LAMA5: variants seen among roughly 807,000 people sequenced by gnomAD.
LAMA5 encodes the protein laminin subunit alpha 5.
LAMA5 carries 260 observed loss-of-function variants against 433.4 expected under a neutral mutation model. The observed-to-expected ratio is 0.60, with a 90% CI of 0.54 to 0.66. The LOEUF (loss-of-function observed/expected upper bound fraction) is 0.66. LAMA5 is among the 30% of genes least tolerant of loss of function. The pLI is 0.00. For missense variants in LAMA5, 5,378 were observed against 5,258.5 expected (o/e 1.02, Z -0.70); for synonymous variants, 2,620 against 2,226.6 (o/e 1.18, Z -4.97).
In LAMA5 at chr20:62,353,197, G is replaced by A. The variant is rs1027948981; in HGVS notation, c.505C>T (p.Leu169Phe). Reference protein sequence around the residue: ...IKFANSPRPDLWVLERSMDFG... With the variant: ...IKFANSPRPDFWVLERSMDFG... Reference sequence around the variant, plus strand: ...TCCATGGACCGCTCCAGCACCCAGAGGTCCGGCCGGGGTGAGTTGGCAAAC... The same window carrying A: ...TCCATGGACCGCTCCAGCACCCAGAAGTCCGGCCGGGGTGAGTTGGCAAAC... Residue 169 changes from leucine (L) to phenylalanine (F), a missense_variant, in exon 3 of 80, where the codon CTC (leucine) becomes TTC (phenylalanine). Leu to Phe is a conservative substitution (Grantham distance 22, BLOSUM62 0). Coordinates refer to ENST00000252999, the MANE Select transcript of LAMA5 (RefSeq NM_005560.6). 9.5e-6 allele frequency: 15 copies of A among 1,587,174 alleles called. No homozygotes were observed. The African/African-American group carries it at 1.5e-4, about 16-fold the overall frequency.
intron 26 of LAMA5, 81 bp from the exon 27 acceptor site, chr20:62,332,798 T>A (rs1011474751): frequency 1.6e-5 from 24 of 1,514,764 alleles, no homozygotes; most frequent in Middle Eastern, 1.9e-4. Flanking sequence ...AGCGCCTCCC[T>A]GACCCCAGGG....
chr20:62,355,661 G>A (rs904655834), intron 2 of LAMA5, among the ~76,000 whole-genome samples: 1 of 152,080 alleles, frequency 6.6e-6, no homozygotes, highest in East Asian at 1.9e-4. Context: ...TGGGTGGGGG[G>A]CAGGGAGACA....
rs748373006 is a variant in LAMA5, at chr20:62,329,173, G to A, written c.4200C>T (p.Phe1400=). The A allele has an allele frequency of 8.1e-6, 13 of 1,612,906 alleles. No homozygotes were observed. The East Asian group carries it at 1.8e-4, about 22-fold the overall frequency. ...AGCCCTGGGCTGCGCAGTGGCTGAT[G>A]AAGTCATAGGATTTATCCAGGGGCT... The part of the protein sequence containing the change: ...REEPLDKSYD[F]ISHCAAQGYH... The change falls in exon 33 of 80, where the codon TTC becomes TTT. Residue 1400 remains phenylalanine (F), a synonymous_variant. Transcript: ENST00000252999.
rs755126899 is a variant in LAMA5 at position 62,309,288 on chromosome 20, T to C, written c.*48A>G. On this transcript the variant is annotated 3_prime_UTR_variant, in exon 80 of 80. Coordinates refer to ENST00000252999, the MANE Select transcript of LAMA5 (RefSeq NM_005560.6). ...CCTATGAGGCGAGCACAAGGGGCGG[T>C]GTGAGGCAGCTGCAGGGGCCTGACC... 5 of 1,575,324 alleles carry C rather than the reference T, an allele frequency of 3.2e-6. No homozygotes were observed. The African/African-American group carries it at 5.4e-5, about 17-fold the overall frequency.
chr20:62,329,287 C>A (rs549880671), intron 32 of LAMA5, 34 bp from the exon 33 acceptor site: 4 of 1,525,558 alleles, frequency 2.6e-6, no homozygotes, highest in Admixed American at 1.7e-5. Flanking sequence ...CTCCCGCGGG[C>A]CCAGAGCCTG....
Position 62,311,550 on chromosome 20 carries a change from G to A in LAMA5, c.9807-14C>T, listed in dbSNP as rs1316428122. ...GGGCCCAGGAGCCTGTGCAGGGCGGGCAGGCGGTCAGCAGCTGCGGAAGGC... is the reference window on the plus strand; with the variant it reads ...GGGCCCAGGAGCCTGTGCAGGGCGGACAGGCGGTCAGCAGCTGCGGAAGGC... On this transcript the variant is annotated splice_polypyrimidine_tract_variant and intron_variant, in intron 71 of 79. Coordinates refer to ENST00000252999, the MANE Select transcript of LAMA5 (RefSeq NM_005560.6). The A allele has an allele frequency of 5.6e-6, 9 of 1,609,626 alleles. No homozygotes were observed. Among genetic ancestry groups the A allele is most frequent in the Non-Finnish European group, 7.6e-6 (9 of 1,178,090 alleles).
At chr20:62,362,323 G>A in intron 2 of LAMA5, 77 bp downstream of exon 2, 2 of 1,332,538 alleles carry the variant, frequency 1.5e-6, no homozygotes, top group South Asian at 4.1e-5. Flanking sequence ...CTCGCCTTCT[G>A]GTCCTGTGGC....
At chr20:62,325,101 AG>A in intron 41 of LAMA5, 1 of 569,854 alleles carries the variant, frequency 1.8e-6, no homozygotes, top group Non-Finnish European at 3.1e-6. Flanking sequence ...CAGGCGGATG[AG>A]GGGCAGGCAG....
intron 6 of LAMA5, among the ~76,000 whole-genome samples, chr20:62,347,846 T>C (rs1156229575): frequency 5.3e-5 from 8 of 152,204 alleles, no homozygotes; most frequent in African/African-American, 1.9e-4. Context: ...ATGGTCCAGC[T>C]CTAGTCCTGT....
At chr20:62,332,790 C>A in intron 26 of LAMA5, 73 bp from the exon 27 acceptor site, 1 of 1,547,326 alleles carries the variant, frequency 6.5e-7, no homozygotes. Context: ...CCCACTCCAG[C>A]GCCTCCCTGA....
chr20:62,325,370 G>A lies in LAMA5; in HGVS notation c.5475C>T (p.Ala1825=). 1 of 1,609,452 alleles carries A rather than the reference G, an allele frequency of 6.2e-7. No individual in the cohort carries two copies. Among genetic ancestry groups the A allele is most frequent in the Non-Finnish European group, 8.5e-7 (1 of 1,177,908 alleles). ...VASPAGQGAL[A]SNVELCLCPA... ...GGCACAGGCACAGCTCCACATTGCT[G>A]GCCAGGGCCCCCTGGCCTGCTGGGC... Residue 1825 remains alanine (A), a synonymous_variant, in exon 41 of 80, where the codon GCC becomes GCT. Transcript: ENST00000252999.
chr20:62,332,062 AAAAAG>A (rs1555878256), intron 28 of LAMA5, among the ~76,000 whole-genome samples: 2 of 152,020 alleles, frequency 1.3e-5, no homozygotes, highest in Non-Finnish European at 1.5e-5. Context: ...AAAAAAAAAA[AAAAAG>A]AAAAGAAAGT....
intron 28 of LAMA5, among the ~76,000 whole-genome samples, 180 bp from the exon 29 acceptor site, chr20:62,331,309 T>TG (rs143081238): frequency 6.0e-5 from 2 of 33,126 alleles, no homozygotes; most frequent in African/African-American, 1.2e-4. Context: ...GGCGGTACGA[T>TG]GGGGGGTGCA....
At position 62,352,350 on chromosome 20, in the gene LAMA5, C is replaced by A. The variant is rs1206938114; in HGVS notation, c.579G>T (p.Arg193Ser). 1.3e-6 allele frequency: 2 copies of A among 1,598,734 alleles called. No homozygotes were observed. Among genetic ancestry groups the A allele is most frequent in the Non-Finnish European group, 1.7e-6 (2 of 1,179,386 alleles). ...GTGGCCCGAACCGCTCCAGACAGTC[C>A]CTCTTGGAGGCTGCGGGGAATGGCG... is the stretch of plus-strand genomic sequence containing the variant. The part of the protein sequence containing the change: ...QPWQFFASSK[R>S]DCLERFGPQT... The change falls in exon 4 of 80, where the codon AGG becomes AGT. Residue 193 changes from arginine to serine, a missense_variant. Transcript: ENST00000252999.
At position 62,332,436 on chromosome 20, in the gene LAMA5, G is replaced by A. The variant is rs768606549; in HGVS notation, c.3488C>T (p.Ala1163Val). The change falls in exon 28 of 80, where the codon GCT becomes GTT. Residue 1163 changes from alanine (A) to valine (V), a missense_variant. Ala to Val is a moderately conservative substitution (Grantham distance 64). Coordinates refer to ENST00000252999, the MANE Select transcript of LAMA5 (RefSeq NM_005560.6). ...GGCCTCCGAGTCCAGGTGGAAGACA[G>A]CCAGGTGGTCCTGGGTATCCCGGGC... Reference protein sequence around the residue: ...GTARDTQDHLAVFHLDSEASV... With the variant: ...GTARDTQDHLVVFHLDSEASV... The A allele has an allele frequency of 1.9e-6, 3 of 1,612,804 alleles. No homozygotes were observed. The highest frequency in any genetic ancestry group is 1.7e-5 in the Admixed American group (1 of 60,028).
chr20:62,349,311 G>GA (rs1187838123), intron 6 of LAMA5, among the ~76,000 whole-genome samples: 6 of 124,712 alleles, frequency 4.8e-5, no homozygotes, highest in Admixed American at 2.4e-4. Context: ...TCCTGAGCAA[G>GA]AAAAAAATCC....
In LAMA5 at chr20:62,314,648, G is replaced by A. The variant is rs768892630; in HGVS notation, c.8274C>T (p.Ala2758=). The change falls in exon 61 of 80, where the codon GCC becomes GCT. Residue 2758 remains alanine (A), a synonymous_variant. Transcript: ENST00000252999. ...RTPRDLADLA[A]YTALKFYLQG... The stretch of plus-strand genomic sequence containing the variant: ...GCAGGTAGAACTTGAGGGCAGTGTA[G>A]GCAGCAAGGTCGGCAAGATCCCGTG... 1.1e-5 allele frequency: 18 copies of A among 1,612,656 alleles called. No homozygotes were observed. In the South Asian group the frequency reaches 1.9e-4, roughly 17 times the overall value.
At chr20:62,326,283 C>T (rs182894443) in intron 40 of LAMA5, among the ~76,000 whole-genome samples, 14 of 151,414 alleles carry the variant, frequency 9.2e-5, no homozygotes, top group Admixed American at 5.3e-4. Flanking sequence ...GGGGAGAAGA[C>T]GGTTGTTACT....
At chr20:62,358,138 G>A (rs776095123) in intron 2 of LAMA5, among the ~76,000 whole-genome samples, 10 of 152,210 alleles carry the variant, frequency 6.6e-5, no homozygotes, top group Non-Finnish European at 1.5e-4. Flanking sequence ...TGTGCCCTGA[G>A]TGCCAGGTCT....
Sources: allele counts gnomAD v4.1 joint callset (sites outside exome capture counted in the v4.1 genomes callset), GRCh38; gene constraint gnomAD v4.1.1; transcripts MANE v1.5; gene names NCBI Gene and HGNC (gene_info 2026-07-23, HGNC 2026-07-21).